The following VWCE variants were observed in gnomAD, a reference collection of about 807,000 sequenced individuals.
VWCE encodes the protein von Willebrand factor C and EGF domain-containing protein.
VWCE carries 68 observed loss-of-function variants against 102.9 expected under a neutral mutation model. That is an observed-to-expected ratio of 0.66 (90% confidence interval 0.54 to 0.81). The LOEUF (loss-of-function observed/expected upper bound fraction) is 0.81. Ranked by LOEUF, VWCE falls within the 30% of genes least tolerant of loss-of-function variation. The pLI is 0.00. For synonymous variants in VWCE, 497 were observed against 515.4 expected (o/e 0.96, Z 0.48); for missense variants, 1,137 against 1,263.6 (o/e 0.90, Z 1.52).
intron 1 of VWCE, 105 bp from the exon 2 acceptor site, chr11:61,291,681 A>C: frequency 1.4e-5 from 14 of 992,634 alleles, no homozygotes; most frequent in Non-Finnish European, 1.8e-5. Context: ...AACAATTCTC[A>C]AGAACTGTCT....
chr11:61,274,095 C>A (rs1485277112), intron 12 of VWCE, among the ~76,000 whole-genome samples: 1 of 152,140 alleles, frequency 6.6e-6, no homozygotes, highest in Non-Finnish European at 1.5e-5. Context: ...AATCCTCCAC[C>A]CTCTGCTGGG....
chr11:61,290,967 C>A, intron 3 of VWCE, 40 bp from the exon 4 acceptor site: 9 of 1,588,814 alleles, frequency 5.7e-6, no homozygotes, highest in Non-Finnish European at 7.7e-6. Context: ...CACCCCGTGG[C>A]AGTCCCAACC....
chr11:61,273,135 G>A lies in VWCE; in HGVS notation c.1699+64C>T, dbSNP rs1191941292. Reference sequence around the variant, plus strand: ...CACACACCAGCAGTCTCAGCAGCAGGTGAAGCTCAGCCTCTCTCCCCAGTA... The same window carrying A: ...CACACACCAGCAGTCTCAGCAGCAGATGAAGCTCAGCCTCTCTCCCCAGTA... On this transcript the variant is annotated intron_variant, in intron 13 of 19. Transcript: ENST00000335613. 2.0e-6 allele frequency: 3 copies of A among 1,517,592 alleles called. No homozygotes were observed. In the South Asian group the frequency reaches 3.4e-5, roughly 17 times the overall value. The allele number at this position is 1,517,592 out of a possible 1,614,324, so 94.0% of individuals were successfully genotyped here.
chr11:61,276,715 G>A (rs759930934), intron 10 of VWCE, 35 bp from the exon 11 acceptor site: 65 of 1,539,588 alleles, frequency 4.2e-5, no homozygotes, highest in East Asian at 9.4e-5. Context: ...CTGGGGGTGC[G>A]GGTGTGGAAC....
In VWCE at chr11:61,259,304, A is replaced by T. The variant is rs1191627393; in HGVS notation, c.2239T>A (p.Ser747Thr). ...DCCSSCPDSL[S>T]PLEEKQGLSP... The stretch of plus-strand genomic sequence containing the variant: ...AGCCCCTGCTTTTCTTCCAGAGGAG[A>T]CAGGGAATCTAGAGAGACGAGGGTG... Residue 747 changes from serine (S) to threonine (T), a missense_variant, in exon 20 of 20, where the codon TCT becomes ACT. Ser to Thr is a moderately conservative substitution (Grantham distance 58, BLOSUM62 1). Around this residue, in one of 5 missense-constraint regions of VWCE, gnomAD observed 316 missense variants for 319.3 expected, o/e 0.99. Transcript: ENST00000335613. The T allele has an allele frequency of 1.9e-6, 3 of 1,579,710 alleles. No homozygotes were observed. The highest frequency in any genetic ancestry group is 2.6e-6 in the Non-Finnish European group (3 of 1,162,556).
At chr11:61,261,532 C>T (rs1854359559) in intron 19 of VWCE, among the ~76,000 whole-genome samples, 2 of 151,620 alleles carry the variant, frequency 1.3e-5, no homozygotes, top group African/African-American at 4.9e-5. Flanking sequence ...TGCTTGAGTC[C>T]AGGAGTTGGG....
chr11:61,264,024 G>T lies in VWCE; in HGVS notation c.2230+463C>A, dbSNP rs958591769. 4.8e-4 allele frequency among the ~76,000 whole-genome samples: 73 copies of T among 151,888 alleles called. 1 individual carries two copies. The highest frequency in any genetic ancestry group is 1.7e-3 in the African/African-American group (70 of 41,348). On this transcript the variant is annotated intron_variant, in intron 19 of 19. Transcript: ENST00000335613. ...GCGGATCACGAGGTGAGGAGATCGAGACCATCCTGGCTAACACGGTGAAAC... is the reference window on the plus strand; with the variant it reads ...GCGGATCACGAGGTGAGGAGATCGATACCATCCTGGCTAACACGGTGAAAC...
chr11:61,282,795 A>G lies in VWCE; in HGVS notation c.652T>C (p.Cys218Arg), dbSNP rs1855182609. The G allele has an allele frequency of 6.2e-7, 1 of 1,613,850 alleles. No individual in the cohort carries two copies. Among genetic ancestry groups the G allele is most frequent in the South Asian group, 1.1e-5 (1 of 91,076 alleles). ...AGGGTCCTCCCCGCCTTACCTACAC[A>G]GGAGTGCCGGTTGCCATGAAGGTGG... The part of the protein sequence containing the change: ...GFHLHGNRHS[C>R]VDVNECRRPL... Residue 218 changes from cysteine (C) to arginine (R), a missense_variant, in exon 6 of 20, where the codon TGT (cysteine) becomes CGT (arginine). Cys to Arg is a radical substitution (Grantham distance 180). This residue lies in a region of VWCE where 575 missense variants were observed against 625.9 expected (regional missense o/e 0.92). Transcript: ENST00000335613.
rs755925771 is a variant in VWCE, at chr11:61,281,200, G to C, written c.823C>G (p.Leu275Val). ...PKAVLAPSAI[L>V]QPRQHPSKML... is the part of the protein sequence containing the mutation. ...TTGGACGGGTGTTGCCGGGGTTGCA[G>C]GATGGCAGATGGGGCCAGCACGGCT... Residue 275 changes from leucine to valine, a missense_variant, in exon 8 of 20, where the codon CTG becomes GTG. By Grantham distance (32) the Leu-to-Val change is conservative. This residue lies in a region of VWCE where 575 missense variants were observed against 625.9 expected (regional missense o/e 0.92). Coordinates refer to ENST00000335613, the MANE Select transcript of VWCE (RefSeq NM_152718.2). The C allele has an allele frequency of 6.2e-7, 1 of 1,613,192 alleles. No homozygotes were observed. The highest frequency in any genetic ancestry group is 1.7e-5 in the Admixed American group (1 of 60,024).
At chr11:61,265,804 G>A (rs1854495863) in intron 16 of VWCE, among the ~76,000 whole-genome samples, 1 of 152,216 alleles carries the variant, frequency 6.6e-6, no homozygotes, top group Admixed American at 6.5e-5. Context: ...CCAACATTTT[G>A]GGAGGCTGAG....
Position 61,294,543 on chromosome 11 carries a change from G to A in VWCE, c.110+385C>T, listed in dbSNP as rs935681502. ...ACCCAGGGAAAGCCCCGCGCGGCAG[G>A]GGAGGCCAGGCGCTGCCCGGGCAGA... is the stretch of plus-strand genomic sequence containing the variant. On this transcript the variant is annotated intron_variant, in intron 1 of 19. Transcript: ENST00000335613. This position sits in a 1 kb window ranked among gnomAD's most constrained non-coding sequence, Gnocchi z 6.3. Among the ~76,000 whole-genome samples the A allele has an allele frequency of 6.6e-6, 1 of 152,154 alleles. No homozygotes were observed. Among genetic ancestry groups the A allele is most frequent in the Non-Finnish European group, 1.5e-5 (1 of 68,028 alleles).
chr11:61,274,403 C>T, intron 12 of VWCE, 96 bp downstream of exon 12: 1 of 1,207,978 alleles, frequency 8.3e-7, no homozygotes, highest in Non-Finnish European at 1.2e-6. Flanking sequence ...TGTATGACAA[C>T]TCATGTTCTC....
intron 16 of VWCE, among the ~76,000 whole-genome samples, chr11:61,267,144 G>T (rs1470033270): frequency 6.6e-6 from 1 of 152,136 alleles, no homozygotes; most frequent in Non-Finnish European, 1.5e-5. Flanking sequence ...TGTGGTCCCA[G>T]CTACTTGGGA....
At chr11:61,271,559 G>T in intron 14 of VWCE, 116 bp downstream of exon 14, 1 of 940,926 alleles carries the variant, frequency 1.1e-6, no homozygotes, top group Non-Finnish European at 1.7e-6. Context: ...GACAGCACCG[G>T]AGGGAGACTG....
chr11:61,282,585 G>A (rs1328061297), intron 6 of VWCE: 3 of 557,468 alleles, frequency 5.4e-6, no homozygotes, highest in Admixed American at 3.1e-5. Flanking sequence ...GTGGCAAATG[G>A]CCAGGAAAAG....
chr11:61,264,874 G>C (rs768779998), intron 18 of VWCE, 82 bp downstream of exon 18: 4 of 1,452,728 alleles, frequency 2.8e-6, no homozygotes, highest in Non-Finnish European at 2.9e-6. Flanking sequence ...GCTGGCTAAA[G>C]GGCTCCATGT....
intron 4 of VWCE, among the ~76,000 whole-genome samples, chr11:61,290,399 C>T (rs970368212): frequency 4.0e-5 from 6 of 151,764 alleles, no homozygotes; most frequent in African/African-American, 1.5e-4. Flanking sequence ...GTAATCCCAG[C>T]TACTGAGGAG....
At chr11:61,265,843 C>T (rs905879819) in intron 16 of VWCE, among the ~76,000 whole-genome samples, 1 of 152,098 alleles carries the variant, frequency 6.6e-6, no homozygotes, top group African/African-American at 2.4e-5. Flanking sequence ...GTCAGGAGTT[C>T]GAGACCAGCC....
intron 9 of VWCE, among the ~76,000 whole-genome samples, chr11:61,280,281 C>G (rs2134809056): frequency 6.6e-6 from 1 of 152,208 alleles, no homozygotes; most frequent in East Asian, 1.9e-4. Context: ...CAATGAATGA[C>G]TGAATAAATG....
Sources: allele counts gnomAD v4.1 joint callset (sites outside exome capture counted in the v4.1 genomes callset), GRCh38; gene constraint gnomAD v4.1.1; regional missense constraint gnomAD v4.1.1; non-coding constraint Gnocchi (gnomAD v3.1); transcripts MANE v1.5; gene names NCBI Gene and HGNC (gene_info 2026-07-23, HGNC 2026-07-21).